Variants in KIAA0930 observed in about 807,000 individuals in gnomAD.
The protein encoded by KIAA0930 is uncharacterized protein KIAA0930.
Under a neutral mutation model 43.9 loss-of-function variants are expected in KIAA0930, and 24 were observed. The ratio of observed to expected loss-of-function variants is 0.55; its 90% CI spans 0.40 to 0.77. The LOEUF is 0.77. Ranked by LOEUF, KIAA0930 falls within the 30% of genes least tolerant of loss-of-function variation. The pLI, the probability that KIAA0930 is intolerant of heterozygous loss-of-function variation, is 0.00. For synonymous variants in KIAA0930, 259 were observed against 216.4 expected, an observed-to-expected ratio of 1.20 and a Z score of -1.73; for missense variants, 461 against 574.2, an observed-to-expected ratio of 0.80 and a Z score of 2.02.
chr22:45,226,322 G>A (rs1387764621), intron 1 of KIAA0930: 10 of 470,982 alleles, frequency 2.1e-5, no homozygotes, highest in African/African-American at 1.4e-4. Context: ...TGGCAAGCTC[G>A]TGGGGTTGGG....
In KIAA0930 at chr22:45,199,934, C is replaced by T; in HGVS notation, c.954G>A (p.Glu318=). 1 of 1,608,872 alleles carries T rather than the reference C, an allele frequency of 6.2e-7. No homozygotes were observed. Among genetic ancestry groups the T allele is most frequent in the Non-Finnish European group, 8.5e-7 (1 of 1,176,896 alleles). Residue 318 remains glutamate, a synonymous_variant, in exon 8 of 10, where the codon GAG becomes GAA. Transcript: ENST00000336156. ...CGTTGGCCGAGTGCGACTTCTTCAT[C>T]TCAGCGATCCGGTTCCGGGGCACCT... ...KRKVPRNRIA[E]MKKSHSANDS...
chr22:45,213,787 A>G (rs2083714618), intron 1 of KIAA0930, among the ~76,000 whole-genome samples: 1 of 152,162 alleles, frequency 6.6e-6, no homozygotes, highest in African/African-American at 2.4e-5. Flanking sequence ...GGGTGGGTGG[A>G]TCACCTGAGG....
intron 1 of KIAA0930, among the ~76,000 whole-genome samples, chr22:45,216,135 C>T (rs2147752567): frequency 6.6e-6 from 1 of 152,284 alleles, no homozygotes; most frequent in South Asian, 2.1e-4. Flanking sequence ...ATCCAAGAGC[C>T]AGGAAAGGTC....
At chr22:45,211,529 G>A (rs1417962211) in intron 2 of KIAA0930, 4 of 443,954 alleles carry the variant, frequency 9.0e-6, no homozygotes, top group East Asian at 6.7e-5. Flanking sequence ...AGATGATGGC[G>A]AGGGCTCAGT....
At chr22:45,214,863 C>T (rs760678845) in intron 1 of KIAA0930, among the ~76,000 whole-genome samples, 4 of 152,124 alleles carry the variant, frequency 2.6e-5, no homozygotes, top group Non-Finnish European at 4.4e-5. Flanking sequence ...CAGCTATGAT[C>T]GAACCACTGC....
At chr22:45,214,120 T>C (rs958627000) in intron 1 of KIAA0930, among the ~76,000 whole-genome samples, 3 of 152,176 alleles carry the variant, frequency 2.0e-5, no homozygotes, top group African/African-American at 7.2e-5. Context: ...GAGGTTGCAG[T>C]GAACCAAGAT....
chr22:45,223,777 AAGCACCCAGGGTCAGCACTGAGAC>A (rs921353728), intron 1 of KIAA0930, among the ~76,000 whole-genome samples: 3 of 135,386 alleles, frequency 2.2e-5, no homozygotes, highest in Non-Finnish European at 3.1e-5. Context: ...AGCACCAGAT[AAGCACCCAGGGTCAGCACTGAGAC>A]AGCACCCAGG....
chr22:45,196,843 C>T lies in KIAA0930; in HGVS notation c.*333G>A. The T allele has an allele frequency of 3.1e-6, 1 of 318,692 alleles. No individual in the cohort carries two copies. The highest frequency in any genetic ancestry group is 7.3e-5 in the South Asian group (1 of 13,756). 19.7% of individuals were successfully genotyped at this position (318,692 alleles called of 1,614,324 possible). On this transcript the variant is annotated 3_prime_UTR_variant, in exon 10 of 10. Transcript: ENST00000336156. The surrounding 1 kb of genome is among the most constrained non-coding windows in gnomAD (Gnocchi z 4.1). ...TGAACATAGACCCGCCGCTCTGGCCCCGCTCTGGGCATCAGCTGCTCCTTC... is the reference window on the plus strand; with the variant it reads ...TGAACATAGACCCGCCGCTCTGGCCTCGCTCTGGGCATCAGCTGCTCCTTC...
intron 1 of KIAA0930, among the ~76,000 whole-genome samples, chr22:45,236,677 C>G (rs2083890476): frequency 6.6e-6 from 1 of 152,210 alleles, no homozygotes; most frequent in South Asian, 2.1e-4. Flanking sequence ...AGCTTGGGCT[C>G]AGCAAGATTC....
intron 1 of KIAA0930, among the ~76,000 whole-genome samples, chr22:45,220,939 A>T (rs1376770442): frequency 8.6e-6 from 1 of 115,886 alleles, no homozygotes; most frequent in Non-Finnish European, 1.7e-5. Context: ...AAGCGTCCCC[A>T]TCCTGGCCTG....
rs1384636074 is a variant in KIAA0930, at chr22:45,240,751, G to C, written c.-48C>G. 3 of 1,015,700 alleles carry C rather than the reference G, an allele frequency of 3.0e-6. No homozygotes were observed. Among genetic ancestry groups the C allele is most frequent in the African/African-American group, 3.5e-5 (2 of 57,970 alleles). 62.9% of individuals were successfully genotyped at this position (1,015,700 alleles called of 1,614,324 possible). A position where few individuals can be genotyped will look rare whatever the true frequency, so the allele number is the denominator to read the frequency against. On this transcript the variant is annotated 5_prime_UTR_variant, in exon 1 of 10. Coordinates refer to ENST00000336156, the MANE Select transcript of KIAA0930 (RefSeq NM_001009880.2). ...GCCTCGGCGCCGCCCGCAGGCTCGG[G>C]GGCGGCGGCGGCGGGGAGGGCGGGC...
In KIAA0930 at chr22:45,198,651, G is replaced by GT. The variant is rs1021395670; in HGVS notation, c.1016-704dup. Among the ~76,000 whole-genome samples, 45 of 151,570 alleles carry GT rather than the reference G, an allele frequency of 3.0e-4. No homozygotes were observed. In the East Asian group the frequency reaches 3.5e-3, roughly 12 times the overall value. ...GAGTTGTCAGCGAATCCTTCACGTC[G>GT]TTTTTTTTTGTTTGTTTTGAGATGG... is the stretch of plus-strand genomic sequence containing the variant. On this transcript the variant is annotated intron_variant, in intron 8 of 9. Transcript: ENST00000336156.
At chr22:45,205,076 A>C (rs2083624065) in intron 5 of KIAA0930, 141 bp downstream of exon 5, 1 of 670,290 alleles carries the variant, frequency 1.5e-6, no homozygotes, top group South Asian at 1.7e-5. Flanking sequence ...GAAGAGAGAG[A>C]GCCACATCTG....
intron 1 of KIAA0930, chr22:45,213,264 A>T (rs145337995): frequency 7.9e-7 from 1 of 1,259,702 alleles, no homozygotes; most frequent in East Asian, 6.4e-5. Flanking sequence ...CTCGGCCCTC[A>T]GCCCTCAGCC....
At chr22:45,240,612 C>T (rs1569088428) in intron 1 of KIAA0930, 28 bp downstream of exon 1, 3 of 1,501,188 alleles carry the variant, frequency 2.0e-6, no homozygotes, top group Non-Finnish European at 2.7e-6. Flanking sequence ...CCTCTCCCGG[C>T]CCGGCCTCGC....
chr22:45,217,555 A>C (rs1220923242), intron 1 of KIAA0930, among the ~76,000 whole-genome samples: 1 of 152,112 alleles, frequency 6.6e-6, no homozygotes, highest in East Asian at 1.9e-4. Flanking sequence ...ATTTTAAAGC[A>C]CTGACAAAAA....
At chr22:45,213,505 G>A (rs557765464) in intron 1 of KIAA0930, 19 of 1,187,556 alleles carry the variant, frequency 1.6e-5, no homozygotes, top group Admixed American at 1.1e-4. Flanking sequence ...CGAAACACGC[G>A]TGCTGTCTGC....
Position 45,196,867 on chromosome 22 carries a change from T to C in KIAA0930, c.*309A>G. On this transcript the variant is annotated 3_prime_UTR_variant, in exon 10 of 10. Coordinates refer to ENST00000336156, the MANE Select transcript of KIAA0930 (RefSeq NM_001009880.2). The surrounding 1 kb of genome is among the most constrained non-coding windows in gnomAD (Gnocchi z 4.1). ...CCCGCTCTGGGCATCAGCTGCTCCT[T>C]CCGCTCTCTCTCATGGCCGCTCGGC... 1 of 373,814 alleles carries C rather than the reference T, an allele frequency of 2.7e-6. No homozygotes were observed. Among genetic ancestry groups the C allele is most frequent in the Non-Finnish European group, 4.8e-6 (1 of 207,980 alleles). The allele number at this position is 373,814 out of a possible 1,614,324, so 23.2% of individuals were successfully genotyped here.
Position 45,203,054 on chromosome 22 carries a change from G to A in KIAA0930, c.788C>T (p.Thr263Ile). The A allele has an allele frequency of 2.5e-6, 4 of 1,613,790 alleles. No homozygotes were observed. Among genetic ancestry groups the A allele is most frequent in the South Asian group, 1.1e-5 (1 of 91,046 alleles). Residue 263 changes from threonine (T) to isoleucine (I), a missense_variant, in exon 7 of 10, where the codon ACA becomes ATA. Thr to Ile is a moderately conservative substitution (Grantham distance 89). Transcript: ENST00000336156. ...HAEMAVSRVS[T>I]GDTSPCGTEE... ...AGTCCCACAGGGGGATGTGTCACCT[G>A]TAGACACTCGGCTGACCGCCATCTC...
Sources: allele counts gnomAD v4.1 joint callset (sites outside exome capture counted in the v4.1 genomes callset), GRCh38; gene constraint gnomAD v4.1.1; non-coding constraint Gnocchi (gnomAD v3.1); transcripts MANE v1.5; gene names NCBI Gene and HGNC (gene_info 2026-07-23, HGNC 2026-07-21).